Variants in GDI2 observed in about 807,000 individuals in gnomAD.
GDI2 encodes the protein rab GDP dissociation inhibitor beta.
In GDI2, 22 loss-of-function variants were observed where a neutral mutation model predicts 54.2. The ratio of observed to expected loss-of-function variants is 0.41; its 90% CI spans 0.29 to 0.58. The LOEUF is 0.58. Among genes scored for constraint, GDI2 ranks in the 20% least tolerant of loss-of-function variants. GDI2 has a pLI of 0.35. For synonymous variants in GDI2, 177 were observed against 182.1 expected, an observed-to-expected ratio of 0.97 and a Z score of 0.23; for missense variants, 422 against 546.0, an observed-to-expected ratio of 0.77 and a Z score of 2.26.
At chr10:5,778,658 A>C (rs1460934268) in intron 6 of GDI2, among the ~76,000 whole-genome samples, 1 of 152,254 alleles carries the variant, frequency 6.6e-6, no homozygotes, top group East Asian at 1.9e-4. Flanking sequence ...TGTTTATTGT[A>C]TAATGTACCA....
At chr10:5,773,665 CAA>C (rs57379866) in intron 7 of GDI2, among the ~76,000 whole-genome samples, 175 bp downstream of exon 7, 3,895 of 152,112 alleles carry the variant, frequency 0.026, 104 homozygotes, top group African/African-American at 0.063. Flanking sequence ...CAACTGACAA[CAA>C]AAAAGATGCT....
chr10:5,798,244 T>A (rs1319503883), intron 2 of GDI2, among the ~76,000 whole-genome samples: 2 of 152,218 alleles, frequency 1.3e-5, no homozygotes, highest in African/African-American at 4.8e-5. Flanking sequence ...AGCTCATGAA[T>A]CCTACTGCTA....
chr10:5,772,029 G>A lies in GDI2; in HGVS notation c.819+1813C>T, dbSNP rs145865620. Among the ~76,000 whole-genome samples, 353 of 152,200 alleles carry A rather than the reference G, an allele frequency of 2.3e-3. 2 individuals are homozygous for A. Among genetic ancestry groups the A allele is most frequent in the African/African-American group, 8.1e-3 (338 of 41,526 alleles). On this transcript the variant is annotated intron_variant, in intron 7 of 10. Transcript: ENST00000380191. ...CACTTGAACCCGGAAGGCAGAAGTTGCAGTAACCAAGATCGTGCCACTGCA... is the reference window on the plus strand; with the variant it reads ...CACTTGAACCCGGAAGGCAGAAGTTACAGTAACCAAGATCGTGCCACTGCA...
chr10:5,799,392 C>T (rs1841217588), intron 2 of GDI2, among the ~76,000 whole-genome samples: 1 of 152,204 alleles, frequency 6.6e-6, no homozygotes, highest in Non-Finnish European at 1.5e-5. Flanking sequence ...TGGCTCATGC[C>T]TGTAATCCCA....
chr10:5,812,797 G>C (rs1170701605), intron 1 of GDI2, among the ~76,000 whole-genome samples: 2 of 152,232 alleles, frequency 1.3e-5, no homozygotes, highest in Non-Finnish European at 2.9e-5. Flanking sequence ...AGGCGGAATA[G>C]GAAATGCAAC....
At chr10:5,788,753 T>G (rs1735911792) in intron 4 of GDI2, among the ~76,000 whole-genome samples, 3 of 149,854 alleles carry the variant, frequency 2.0e-5, no homozygotes, top group Admixed American at 1.4e-4. Flanking sequence ...AAAAAATTTT[T>G]GGAGGTTTGC....
rs1255118367 is a variant in GDI2 at position 5,787,698 on chromosome 10, A to G, written c.389-1648T>C. 2.6e-5 allele frequency among the ~76,000 whole-genome samples: 4 copies of G among 152,378 alleles called. 1 individual carries two copies. Among genetic ancestry groups the G allele is most frequent in the South Asian group, 2.1e-4 (1 of 4,830 alleles). On this transcript the variant is annotated intron_variant, in intron 4 of 10. Coordinates refer to ENST00000380191, the MANE Select transcript of GDI2 (RefSeq NM_001494.4). ...ACAAGTGTAGTTGTAAGAGCTGGGT[A>G]TAAGACAGGCAAAAGGAAACATGAA...
At chr10:5,810,342 T>C (rs1841459454) in intron 1 of GDI2, among the ~76,000 whole-genome samples, 1 of 152,252 alleles carries the variant, frequency 6.6e-6, no homozygotes, top group South Asian at 2.1e-4. Context: ...TAGTTACTCT[T>C]ATTGTTTTAA....
chr10:5,768,066 G>A lies in GDI2; in HGVS notation c.991+147C>T, dbSNP rs1311506529. The A allele has an allele frequency of 1.6e-6, 1 of 627,448 alleles. No homozygotes were observed. The highest frequency in any genetic ancestry group is 1.9e-5 in the African/African-American group (1 of 52,738). The allele number at this position is 627,448 out of a possible 1,614,324, so 38.9% of individuals were successfully genotyped here. ...GCGTTGACACAATGCTGCCGGAGCA[G>A]GAGGAGGTACAAAGATTTTTTTCCC... On this transcript the variant is annotated intron_variant, in intron 8 of 10. Transcript: ENST00000380191. This position sits in a 1 kb window ranked among gnomAD's most constrained non-coding sequence, Gnocchi z 4.4.
chr10:5,765,893 CTTCATTCTCTCCATT>C lies in GDI2; in HGVS notation c.*98_*112del. The C allele has an allele frequency of 2.6e-6, 2 of 780,112 alleles. No individual in the cohort carries two copies. The highest frequency in any genetic ancestry group is 4.1e-6 in the Non-Finnish European group (2 of 486,208). 48.3% of individuals were successfully genotyped at this position (780,112 alleles called of 1,614,324 possible). A position where few individuals can be genotyped will look rare whatever the true frequency, so the allele number is the denominator to read the frequency against. On this transcript the variant is annotated 3_prime_UTR_variant, in exon 11 of 11. Transcript: ENST00000380191. ...GGGGAGTATTTACTGGCACAGCGCT[CTTCATTCTCTCCATT>C]TTCATTACAAAAGCAGGCCTTACAA...
chr10:5,810,584 T>C (rs1220449393), intron 1 of GDI2, among the ~76,000 whole-genome samples: 1 of 152,144 alleles, frequency 6.6e-6, no homozygotes, highest in Non-Finnish European at 1.5e-5. Flanking sequence ...GCTGGCGGGG[T>C]CTTCATGGCT....
At chr10:5,785,453 C>A (rs976518151) in intron 5 of GDI2, among the ~76,000 whole-genome samples, 180 bp from the exon 6 acceptor site, 2 of 152,180 alleles carry the variant, frequency 1.3e-5, no homozygotes, top group African/African-American at 4.8e-5. Flanking sequence ...CGGCTCCCCA[C>A]AACTTCCACC....
chr10:5,791,310 AAAT>A (rs1841007085), intron 4 of GDI2, among the ~76,000 whole-genome samples: 2 of 151,848 alleles, frequency 1.3e-5, no homozygotes, highest in African/African-American at 4.8e-5. Flanking sequence ...TAAATACATA[AAAT>A]AATAAATGTT....
intron 7 of GDI2, among the ~76,000 whole-genome samples, chr10:5,771,395 C>T (rs1460456562): frequency 2.0e-5 from 3 of 152,264 alleles, no homozygotes; most frequent in Non-Finnish European, 4.4e-5. Flanking sequence ...GACATTTTTG[C>T]TTATTTGTGG....
At chr10:5,804,111 G>C in intron 1 of GDI2, among the ~76,000 whole-genome samples, 1 of 137,086 alleles carries the variant, frequency 7.3e-6, no homozygotes, top group Admixed American at 7.4e-5. Flanking sequence ...TTTTTTTATT[G>C]AGATAGGAGT....
chr10:5,782,389 C>A (rs1306452943), intron 6 of GDI2, among the ~76,000 whole-genome samples: 1 of 152,180 alleles, frequency 6.6e-6, no homozygotes, highest in East Asian at 1.9e-4. Flanking sequence ...AATGACACAA[C>A]CACTCCAGAA....
intron 7 of GDI2, among the ~76,000 whole-genome samples, chr10:5,770,263 A>G (rs1250865189): frequency 1.3e-5 from 2 of 152,206 alleles, no homozygotes; most frequent in Non-Finnish European, 2.9e-5. Context: ...TTTCCTTTAG[A>G]AGAGGAAAAG....
intron 3 of GDI2, among the ~76,000 whole-genome samples, chr10:5,795,483 A>G (rs1841125070): frequency 6.6e-6 from 1 of 152,202 alleles, no homozygotes; most frequent in Non-Finnish European, 1.5e-5. Flanking sequence ...ATTGCACTGC[A>G]TATTACACGT....
chr10:5,766,808 T>TA lies in GDI2; in HGVS notation c.992-171dup, dbSNP rs1488369353. Among the ~76,000 whole-genome samples, 1 of 152,252 alleles carries TA rather than the reference T, an allele frequency of 6.6e-6. No homozygotes were observed. The highest frequency in any genetic ancestry group is 2.4e-5 in the African/African-American group (1 of 41,458). ...CAGAGTTGGATGTAAAGTACACAGATATTTAACAATAGGAATTTCTTTTAA... is the reference window on the plus strand; with the variant it reads ...CAGAGTTGGATGTAAAGTACACAGATAATTTAACAATAGGAATTTCTTTTAA... On this transcript the variant is annotated intron_variant, in intron 8 of 10. Coordinates refer to ENST00000380191, the MANE Select transcript of GDI2 (RefSeq NM_001494.4). This position sits in a 1 kb window ranked among gnomAD's most constrained non-coding sequence, Gnocchi z 5.8.
Sources: gnomAD v4.1 joint callset for allele counts (sites outside exome capture counted in the v4.1 genomes callset) on GRCh38, gnomAD v4.1.1 for gene constraint, Gnocchi (gnomAD v3.1) non-coding constraint, MANE v1.5 for transcripts, NCBI Gene and HGNC (gene_info 2026-07-23, HGNC 2026-07-21) for gene names.